The following MCHR2 variants were observed in gnomAD, a reference collection of about 807,000 sequenced individuals.
The protein encoded by MCHR2 is melanin-concentrating hormone receptor 2.
MCHR2 carries 15 observed loss-of-function variants against 24.8 expected under a neutral mutation model. The ratio of observed to expected loss-of-function variants is 0.60; its 90% CI spans 0.40 to 0.93. The LOEUF (loss-of-function observed/expected upper bound fraction) is 0.93. MCHR2 is among the 40% of genes least tolerant of loss of function. MCHR2 has a pLI of 0.00. For synonymous variants in MCHR2, 151 were observed against 147.6 expected (o/e 1.02, Z -0.17); for missense variants, 386 against 408.7 (o/e 0.94, Z 0.48).
At chr6:99,923,875 GT>G (rs1313598996) in intron 5 of MCHR2, among the ~76,000 whole-genome samples, 3 of 152,010 alleles carry the variant, frequency 2.0e-5, no homozygotes, top group Non-Finnish European at 2.9e-5. Flanking sequence ...TCTGCCTGTA[GT>G]TTTTTGTTGT....
At chr6:99,984,143 T>A (rs1402830422) in intron 1 of MCHR2, among the ~76,000 whole-genome samples, 1 of 152,164 alleles carries the variant, frequency 6.6e-6, no homozygotes, top group Non-Finnish European at 1.5e-5. Flanking sequence ...CACACATACA[T>A]GCACATACAC....
intron 1 of MCHR2, among the ~76,000 whole-genome samples, chr6:99,973,870 G>T (rs1775489925): frequency 6.6e-6 from 1 of 152,170 alleles, no homozygotes; most frequent in Non-Finnish European, 1.5e-5. Flanking sequence ...CTTTCTTTAA[G>T]AATGTTAAAT....
At chr6:99,989,217 A>G (rs1241455701) in intron 1 of MCHR2, among the ~76,000 whole-genome samples, 1 of 152,124 alleles carries the variant, frequency 6.6e-6, no homozygotes, top group Admixed American at 6.5e-5. Flanking sequence ...GTGTAAGTGC[A>G]CTCTAGCCTG....
intron 1 of MCHR2, among the ~76,000 whole-genome samples, chr6:99,963,586 ATGTTGTGT>A (rs1775239329): frequency 6.6e-6 from 1 of 152,082 alleles, no homozygotes; most frequent in Non-Finnish European, 1.5e-5. Flanking sequence ...TTGCTGTAAA[ATGTTGTGT>A]TTATAGTTCA....
chr6:99,974,315 T>C (rs1363628767), intron 1 of MCHR2, among the ~76,000 whole-genome samples: 1 of 152,238 alleles, frequency 6.6e-6, no homozygotes, highest in Non-Finnish European at 1.5e-5. Flanking sequence ...TCATTTCATC[T>C]TCCAACACTG....
chr6:99,969,613 A>G (rs1219330880), intron 1 of MCHR2, among the ~76,000 whole-genome samples: 2 of 151,552 alleles, frequency 1.3e-5, no homozygotes, highest in African/African-American at 4.8e-5. Flanking sequence ...TCATGTGCAC[A>G]ATGTGCAGGT....
At chr6:99,958,294 A>T (rs1775107558) in intron 1 of MCHR2, among the ~76,000 whole-genome samples, 2 of 152,110 alleles carry the variant, frequency 1.3e-5, no homozygotes, top group Admixed American at 1.3e-4. Flanking sequence ...TGGAAAAACC[A>T]ATCTCACCTA....
chr6:99,925,197 T>A (rs1303284917), intron 5 of MCHR2, among the ~76,000 whole-genome samples: 4 of 152,162 alleles, frequency 2.6e-5, no homozygotes, highest in African/African-American at 9.6e-5. Context: ...CTGAAATCTA[T>A]TTTGTCTGAT....
In MCHR2 at chr6:99,942,923, G is replaced by T. The variant is rs752115211; in HGVS notation, c.587+26C>A. 4.5e-6 allele frequency: 7 copies of T among 1,568,384 alleles called. No homozygotes were observed. In the South Asian group the frequency reaches 7.1e-5, roughly 16 times the overall value. Reference sequence around the variant, plus strand: ...AGTTCTTCACAACTTAATTCAACTCGTTTTTCTTAAGTTTTCACAACTTAC... The same window carrying T: ...AGTTCTTCACAACTTAATTCAACTCTTTTTTCTTAAGTTTTCACAACTTAC... On this transcript the variant is annotated intron_variant, in intron 4 of 5. Transcript: ENST00000281806.
chr6:99,961,794 A>G (rs1416749290), intron 1 of MCHR2, among the ~76,000 whole-genome samples: 2 of 152,106 alleles, frequency 1.3e-5, no homozygotes, highest in Non-Finnish European at 1.5e-5. Context: ...AACATGGCAC[A>G]TGTATACCTA....
Position 99,934,426 on chromosome 6 carries a change from T to A in MCHR2, c.679A>T (p.Met227Leu). The change falls in exon 5 of 6, where the codon ATG (methionine) becomes TTG (leucine). Residue 227 changes from methionine to leucine, a missense_variant. By Grantham distance (15) the Met-to-Leu change is conservative. Transcript: ENST00000281806. ...CTGGCATCCTTATTCTGTTGATACA[T>A]CTCCCAAGTATAGCATAAAATTAAA... ...YILILCYTWE[M>L]YQQNKDARCC... The A allele has an allele frequency of 6.3e-7, 1 of 1,595,170 alleles. No individual in the cohort carries two copies. Among genetic ancestry groups the A allele is most frequent in the Non-Finnish European group, 8.5e-7 (1 of 1,173,686 alleles).
At chr6:99,929,513 TG>T (rs977331665) in intron 5 of MCHR2, among the ~76,000 whole-genome samples, 20 of 152,198 alleles carry the variant, frequency 1.3e-4, no homozygotes, top group African/African-American at 4.3e-4. Context: ...TTTATGAATC[TG>T]GGTGCTGCTG....
intron 4 of MCHR2, among the ~76,000 whole-genome samples, chr6:99,936,517 A>C (rs1774663391): frequency 6.6e-6 from 1 of 151,730 alleles, no homozygotes; most frequent in Admixed American, 6.6e-5. Context: ...GTGTGGATTT[A>C]TATCGGGCAC....
intron 4 of MCHR2, among the ~76,000 whole-genome samples, chr6:99,940,621 ATGGATG>A (rs1168473132): frequency 6.6e-6 from 1 of 152,150 alleles, no homozygotes; most frequent in Non-Finnish European, 1.5e-5. Context: ...GTTGCTTCTT[ATGGATG>A]TACATCTATG....
intron 1 of MCHR2, among the ~76,000 whole-genome samples, chr6:99,984,566 T>C (rs548179210): frequency 7.9e-5 from 12 of 152,228 alleles, no homozygotes; most frequent in African/African-American, 2.9e-4. Flanking sequence ...ATACACAGAA[T>C]TTTAAAAAAC....
intron 5 of MCHR2, among the ~76,000 whole-genome samples, chr6:99,933,726 T>G (rs1248080469): frequency 1.3e-5 from 2 of 152,100 alleles, no homozygotes; most frequent in East Asian, 3.8e-4. Context: ...CACAAAAATA[T>G]ATTTAAAATA....
intron 1 of MCHR2, among the ~76,000 whole-genome samples, chr6:99,982,268 C>A (rs896001888): frequency 6.6e-6 from 1 of 151,906 alleles, no homozygotes; most frequent in African/African-American, 2.4e-5. Context: ...TAACGACTCA[C>A]ATCAACCCAC....
chr6:99,942,138 A>C (rs959362091), intron 4 of MCHR2, among the ~76,000 whole-genome samples: 3 of 152,196 alleles, frequency 2.0e-5, no homozygotes, highest in Non-Finnish European at 2.9e-5. Flanking sequence ...TGGTAGTTGC[A>C]TTAGTTTCCT....
intron 1 of MCHR2, among the ~76,000 whole-genome samples, chr6:99,973,544 G>T (rs1243938028): frequency 2.6e-5 from 4 of 152,130 alleles, no homozygotes; most frequent in African/African-American, 9.7e-5. Flanking sequence ...CTTTTAATTG[G>T]AGGATTTAGC....
Sources: gnomAD v4.1 joint callset for allele counts (sites outside exome capture counted in the v4.1 genomes callset) on GRCh38, gnomAD v4.1.1 for gene constraint, MANE v1.5 for transcripts, NCBI Gene and HGNC (gene_info 2026-07-23, HGNC 2026-07-21) for gene names.